Variants in SLC38A12 observed in about 807,000 individuals in gnomAD.
SLC38A12 encodes the protein solute carrier family 38 member 12, also known as putative sodium-coupled neutral amino acid transporter 12.
At chr17:74,810,937 G>A in the SLC38A12 span, among the ~76,000 whole-genome samples, 2 of 152,222 alleles carry the variant, frequency 1.3e-5, no homozygotes, top group African/African-American at 4.8e-5. Flanking sequence ...CTTCCGCATG[G>A]TGAATGATCC....
the SLC38A12 span, among the ~76,000 whole-genome samples, chr17:74,828,816 A>G: frequency 6.6e-6 from 1 of 152,154 alleles, no homozygotes; most frequent in African/African-American, 2.4e-5. Context: ...GGCAGATGAC[A>G]GGGTTAGAGT....
At chr17:74,791,166 C>T in the SLC38A12 span, 1 of 736,104 alleles carries the variant, frequency 1.4e-6, no homozygotes, top group East Asian at 2.8e-5. Flanking sequence ...TAGAGCTGCT[C>T]CCTCAGCACC....
chr17:74,790,338 C>A, the SLC38A12 span: 1 of 1,561,128 alleles, frequency 6.4e-7, no homozygotes, highest in Non-Finnish European at 8.8e-7. Context: ...TCCCTCCGGG[C>A]CACAGGGTTC....
the SLC38A12 span, among the ~76,000 whole-genome samples, chr17:74,808,104 C>T: frequency 1.3e-5 from 2 of 152,256 alleles, no homozygotes; most frequent in African/African-American, 2.4e-5. Flanking sequence ...CCATCGGGTA[C>T]CATCTGGCTT....
At chr17:74,778,722 C>T in the SLC38A12 span, among the ~76,000 whole-genome samples, 5 of 143,892 alleles carry the variant, frequency 3.5e-5, no homozygotes, top group Non-Finnish European at 6.0e-5. Flanking sequence ...AATCTCGGCT[C>T]ACTGCAACCT....
the SLC38A12 span, among the ~76,000 whole-genome samples, chr17:74,827,353 C>G: frequency 4.6e-5 from 7 of 150,896 alleles, no homozygotes; most frequent in Admixed American, 4.0e-4. The surrounding 1 kb of genome is among the most constrained non-coding windows in gnomAD (Gnocchi z 4.7). Flanking sequence ...TGGAGTGCAG[C>G]AGCACAATCT....
chr17:74,790,224 A>G, the SLC38A12 span: 461 of 1,613,978 alleles, frequency 2.9e-4, 7 homozygotes, highest in East Asian at 0.01. Flanking sequence ...CGACTCCTCC[A>G]CAGCCTCAGA....
chr17:74,778,452 T>C, the SLC38A12 span, among the ~76,000 whole-genome samples: 1 of 152,138 alleles, frequency 6.6e-6, no homozygotes, highest in Non-Finnish European at 1.5e-5. Context: ...ATCTCTGGTC[T>C]GTTTCTGCTA....
the SLC38A12 span, among the ~76,000 whole-genome samples, chr17:74,780,775 C>A: frequency 6.6e-6 from 1 of 152,212 alleles, no homozygotes. Context: ...CCTGAGCCCC[C>A]ACTAAACACA....
the SLC38A12 span, among the ~76,000 whole-genome samples, chr17:74,780,515 C>A: frequency 1.3e-5 from 2 of 152,198 alleles, no homozygotes; most frequent in Non-Finnish European, 2.9e-5. Context: ...TCTGCCACTG[C>A]TTCCCAGGAG....
chr17:74,786,881 C>G, the SLC38A12 span, among the ~76,000 whole-genome samples: 1 of 152,138 alleles, frequency 6.6e-6, no homozygotes, highest in Admixed American at 6.5e-5. Context: ...AAAGGACCTT[C>G]AGCACAGGCA....
chr17:74,778,948 G>A, the SLC38A12 span, among the ~76,000 whole-genome samples: 46 of 152,024 alleles, frequency 3.0e-4, no homozygotes, highest in South Asian at 6.2e-4. Context: ...GATTACAGCC[G>A]TGAGCCACTG....
chr17:74,782,493 C>T, the SLC38A12 span, among the ~76,000 whole-genome samples: 1 of 152,172 alleles, frequency 6.6e-6, no homozygotes, highest in Non-Finnish European at 1.5e-5. Context: ...CTGTAGAAGG[C>T]TCTTGTTGGT....
the SLC38A12 span, among the ~76,000 whole-genome samples, chr17:74,787,344 C>T: frequency 0.012 from 1,630 of 140,618 alleles, 19 homozygotes; most frequent in Non-Finnish European, 0.015. Flanking sequence ...GGAGATGGGC[C>T]GGGCGCGGTG....
At chr17:74,803,902 A>C in the SLC38A12 span, among the ~76,000 whole-genome samples, 1 of 152,096 alleles carries the variant, frequency 6.6e-6, no homozygotes, top group Non-Finnish European at 1.5e-5. Flanking sequence ...CACCTTTTTT[A>C]TTTTTTATTT....
chr17:74,816,058 A>G, the SLC38A12 span, among the ~76,000 whole-genome samples: 1 of 152,070 alleles, frequency 6.6e-6, no homozygotes, highest in East Asian at 1.9e-4. Flanking sequence ...TGTCCAGAGG[A>G]CAGAAGGCTG....
chr17:74,782,661 G>C, the SLC38A12 span, among the ~76,000 whole-genome samples: 2 of 152,156 alleles, frequency 1.3e-5, no homozygotes, highest in East Asian at 3.8e-4. Flanking sequence ...ACCAGCAATG[G>C]GCTGTGTGTC....
At chr17:74,800,744 T>TAG in the SLC38A12 span, among the ~76,000 whole-genome samples, 1 of 152,124 alleles carries the variant, frequency 6.6e-6, no homozygotes, top group Admixed American at 6.5e-5. Context: ...ACAACTCCAG[T>TAG]AGAACACAGT....
the SLC38A12 span, among the ~76,000 whole-genome samples, chr17:74,800,046 G>A: frequency 1.3e-5 from 2 of 152,206 alleles, no homozygotes; most frequent in East Asian, 3.9e-4. Context: ...ACTGAGAGAC[G>A]GGGGCTTCCT....
Sources: allele counts gnomAD v4.1 joint callset (sites outside exome capture counted in the v4.1 genomes callset), GRCh38; gene constraint gnomAD v4.1.1; non-coding constraint Gnocchi (gnomAD v3.1); transcripts MANE v1.5; gene names NCBI Gene and HGNC (gene_info 2026-07-23, HGNC 2026-07-21).